The following CNDP1 variants were observed in gnomAD, a reference collection of about 807,000 sequenced individuals.
The protein encoded by CNDP1 is beta-Ala-His dipeptidase.
In CNDP1, 44 loss-of-function variants were observed where a neutral mutation model predicts 58.1. That is an observed-to-expected ratio of 0.76 (90% CI 0.60 to 0.97). CNDP1 has a LOEUF of 0.97. Ranked by LOEUF, CNDP1 falls within the 50% of genes least tolerant of loss-of-function variation. The pLI, the probability that CNDP1 is intolerant of heterozygous loss-of-function variation, is 0.00. For missense variants in CNDP1, 616 were observed against 655.1 expected (o/e 0.94, Z 0.65); for synonymous variants, 254 against 252.6 (o/e 1.01, Z -0.05).
At chr18:74,567,465 C>A in intron 6 of CNDP1, 32 bp downstream of exon 6, 1 of 1,566,214 alleles carries the variant, frequency 6.4e-7, no homozygotes, top group Non-Finnish European at 8.8e-7. Flanking sequence ...TGGATGGAGG[C>A]CTGTGGGGGT....
At chr18:74,559,884 T>C (rs1464242470) in intron 3 of CNDP1, among the ~76,000 whole-genome samples, 3 of 152,194 alleles carry the variant, frequency 2.0e-5, no homozygotes, top group Non-Finnish European at 4.4e-5. Flanking sequence ...CTCTTAGAAC[T>C]CTACTCCATC....
intron 7 of CNDP1, among the ~76,000 whole-genome samples, chr18:74,573,928 G>C (rs1981563600): frequency 6.6e-6 from 1 of 152,250 alleles, no homozygotes; most frequent in Non-Finnish European, 1.5e-5. Flanking sequence ...TTTCTGGATT[G>C]TGTCCTCTAT....
intron 7 of CNDP1, among the ~76,000 whole-genome samples, chr18:74,572,461 G>A (rs1981502992): frequency 6.6e-6 from 1 of 152,064 alleles, no homozygotes; most frequent in Non-Finnish European, 1.5e-5. Flanking sequence ...ACCTCGCTGT[G>A]CTCCACTTGG....
intron 4 of CNDP1, among the ~76,000 whole-genome samples, 190 bp downstream of exon 4, chr18:74,561,208 A>G (rs1981188105): frequency 6.6e-6 from 1 of 152,098 alleles, no homozygotes; most frequent in Non-Finnish European, 1.5e-5. Flanking sequence ...TGAGATCAGG[A>G]GTTCAAGACC....
chr18:74,535,081 A>G (rs1305976457), intron 1 of CNDP1, among the ~76,000 whole-genome samples: 2 of 152,212 alleles, frequency 1.3e-5, no homozygotes, highest in African/African-American at 4.8e-5. Context: ...TCCTGGTCCC[A>G]GGTTCCCGAC....
intron 1 of CNDP1, among the ~76,000 whole-genome samples, chr18:74,555,277 C>A (rs543697841): frequency 6.6e-6 from 1 of 152,250 alleles, no homozygotes; most frequent in East Asian, 1.9e-4. Context: ...TAAAGTGGAG[C>A]CCAGCTGGTC....
At chr18:74,565,860 G>C (rs1303808170) in intron 5 of CNDP1, among the ~76,000 whole-genome samples, 1 of 152,222 alleles carries the variant, frequency 6.6e-6, no homozygotes, top group East Asian at 1.9e-4. Context: ...TTCATGTGGG[G>C]GTTCCAACGC....
Position 74,534,519 on chromosome 18 carries a change from A to G in CNDP1, c.-149A>G, listed in dbSNP as rs1394114045. Reference sequence around the variant, plus strand: ...TTCTCCAGATGTGAATAGCTCCACTATACCAGCCTCGTCTTCCTTCCGGGG... The same window carrying G: ...TTCTCCAGATGTGAATAGCTCCACTGTACCAGCCTCGTCTTCCTTCCGGGG... On this transcript the variant is annotated 5_prime_UTR_variant, in exon 1 of 12. Coordinates refer to ENST00000358821, the MANE Select transcript of CNDP1 (RefSeq NM_032649.6). 1.3e-5 allele frequency: 10 copies of G among 760,556 alleles called. No individual in the cohort carries two copies. In the South Asian group the frequency reaches 1.5e-4, roughly 11 times the overall value. The allele number at this position is 760,556 out of a possible 1,614,324, so 47.1% of individuals were successfully genotyped here.
At chr18:74,576,752 C>A in intron 7 of CNDP1, 117 bp from the exon 8 acceptor site, 1 of 874,456 alleles carries the variant, frequency 1.1e-6, no homozygotes. Context: ...CCACGGGGAC[C>A]CAGACAGTCA....
intron 1 of CNDP1, among the ~76,000 whole-genome samples, chr18:74,546,414 G>C (rs925975720): frequency 6.6e-6 from 1 of 152,184 alleles, no homozygotes; most frequent in East Asian, 1.9e-4. Flanking sequence ...CTAGCGGCTT[G>C]GTTGCTGGAC....
At chr18:74,559,925 G>T (rs190936618) in intron 3 of CNDP1, among the ~76,000 whole-genome samples, 1 of 151,524 alleles carries the variant, frequency 6.6e-6, no homozygotes, top group South Asian at 2.1e-4. Flanking sequence ...CACCCGCTGC[G>T]CTTACTTTAG....
At chr18:74,547,878 G>A (rs981215367) in intron 1 of CNDP1, among the ~76,000 whole-genome samples, 2 of 152,194 alleles carry the variant, frequency 1.3e-5, no homozygotes, top group Non-Finnish European at 1.5e-5. Flanking sequence ...ACTCAGCACA[G>A]GGGCACTTGG....
At chr18:74,584,299 C>T (rs1400410404) in intron 11 of CNDP1, 197 bp from the exon 12 acceptor site, 8 of 570,152 alleles carry the variant, frequency 1.4e-5, no homozygotes, top group Non-Finnish European at 1.9e-5. Context: ...GACTGATTCT[C>T]ATCTTCTTAA....
At chr18:74,546,335 C>T (rs940619284) in intron 1 of CNDP1, among the ~76,000 whole-genome samples, 19 of 152,128 alleles carry the variant, frequency 1.2e-4, no homozygotes, top group African/African-American at 2.9e-4. Context: ...CCTGACACTG[C>T]GAGCTTTCTC....
intron 7 of CNDP1, 46 bp from the exon 8 acceptor site, chr18:74,576,823 G>A: frequency 1.3e-6 from 2 of 1,556,200 alleles, no homozygotes; most frequent in Non-Finnish European, 8.7e-7. Context: ...CACAACATTG[G>A]CACACTCCTT....
chr18:74,539,423 C>T (rs570487164), intron 1 of CNDP1, among the ~76,000 whole-genome samples: 1 of 152,304 alleles, frequency 6.6e-6, no homozygotes, highest in African/African-American at 2.4e-5. Context: ...TTTCCCAGCT[C>T]CCGGAGGCTT....
rs1229528518 is a variant in CNDP1 at position 74,583,514 on chromosome 18, G to C, written c.1310-47G>C. The C allele has an allele frequency of 3.2e-6, 5 of 1,544,580 alleles. No individual in the cohort carries two copies. The East Asian group carries it at 1.1e-4, about 35-fold the overall frequency. On this transcript the variant is annotated intron_variant, in intron 10 of 11. Coordinates refer to ENST00000358821, the MANE Select transcript of CNDP1 (RefSeq NM_032649.6). ...ACTGACCTTGAGGAGCTTCCTGGGG[G>C]TGTTCTTGTCCTTACCCTATTCAAA...
intron 1 of CNDP1, among the ~76,000 whole-genome samples, chr18:74,539,926 T>A (rs1980575696): frequency 6.6e-6 from 1 of 152,210 alleles, no homozygotes; most frequent in Non-Finnish European, 1.5e-5. Context: ...AGACATTGCA[T>A]TATTGCATCT....
intron 1 of CNDP1, among the ~76,000 whole-genome samples, chr18:74,551,541 G>T (rs1980910794): frequency 6.6e-6 from 1 of 152,104 alleles, no homozygotes; most frequent in South Asian, 2.1e-4. Flanking sequence ...TGCTCTGTGG[G>T]GAAAAGGGAG....
Sources: gnomAD v4.1 joint callset for allele counts (sites outside exome capture counted in the v4.1 genomes callset) on GRCh38, gnomAD v4.1.1 for gene constraint, MANE v1.5 for transcripts, NCBI Gene and HGNC (gene_info 2026-07-23, HGNC 2026-07-21) for gene names.